Variants in CDK15 observed in about 807,000 individuals in gnomAD.
CDK15 encodes cyclin-dependent kinase 15.
Under a neutral mutation model 60.3 loss-of-function variants are expected in CDK15, and 62 were observed. That is an observed-to-expected ratio of 1.03 (90% confidence interval 0.84 to 1.27). CDK15 has a LOEUF of 1.27. CDK15 is among the 50% of genes most tolerant of loss of function. CDK15 has a pLI of 0.00. For synonymous variants in CDK15, 194 were observed against 195.7 expected, an observed-to-expected ratio of 0.99 and a Z score of 0.07; for missense variants, 541 against 527.8, an observed-to-expected ratio of 1.03 and a Z score of -0.25.
chr2:201,885,709 A>G (rs1699429675), intron 12 of CDK15, among the ~76,000 whole-genome samples: 1 of 152,218 alleles, frequency 6.6e-6, no homozygotes, highest in African/African-American at 2.4e-5. Flanking sequence ...AAGTAAAGAT[A>G]AATAATTCAG....
Position 201,880,185 on chromosome 2 carries a change from T to TGC in CDK15, c.1198+20_1198+21dup. The TGC allele has an allele frequency of 6.2e-7, 1 of 1,613,448 alleles. No individual in the cohort carries two copies. Among genetic ancestry groups the TGC allele is most frequent in the Non-Finnish European group, 8.5e-7 (1 of 1,179,716 alleles). On this transcript the variant is annotated intron_variant, in intron 12 of 13. Coordinates refer to ENST00000652192, the MANE Select transcript of CDK15 (RefSeq NM_001366386.2). ...TCCTGATGGTGAGCGAGGGAGTGTGTGCGTGTGCGTGAGTGCATGTGCGTG... is the reference window on the plus strand; with the variant it reads ...TCCTGATGGTGAGCGAGGGAGTGTGTGCGCGTGTGCGTGAGTGCATGTGCGTG...
At chr2:201,858,175 T>C (rs1373150626) in intron 10 of CDK15, among the ~76,000 whole-genome samples, 2 of 152,160 alleles carry the variant, frequency 1.3e-5, no homozygotes, top group Non-Finnish European at 2.9e-5. Flanking sequence ...TTTTAAAAAG[T>C]CACCTGATGC....
intron 8 of CDK15, among the ~76,000 whole-genome samples, chr2:201,838,950 G>T (rs192103637): frequency 6.6e-6 from 1 of 150,722 alleles, no homozygotes; most frequent in Non-Finnish European, 1.5e-5. Context: ...TTTAAGGGTT[G>T]TTTTTTTTTG....
chr2:201,834,049 C>A (rs1696898836), intron 7 of CDK15, 78 bp downstream of exon 7: 3 of 1,496,884 alleles, frequency 2.0e-6, no homozygotes, highest in South Asian at 1.4e-5. Flanking sequence ...GTTGACTGGG[C>A]CTGGCCTTTG....
At chr2:201,861,553 T>G (rs1698393683) in intron 10 of CDK15, 3 of 893,126 alleles carry the variant, frequency 3.4e-6, no homozygotes, top group African/African-American at 2.6e-5. Flanking sequence ...GTTGGTTTGT[T>G]TTTTTTTTTT....
chr2:201,820,904 A>C (rs555568049), intron 4 of CDK15, among the ~76,000 whole-genome samples: 208 of 152,326 alleles, frequency 1.4e-3, no homozygotes, highest in Non-Finnish European at 1.7e-3. Flanking sequence ...TCATTACAGC[A>C]AATAAGGTTA....
chr2:201,860,662 C>A, intron 10 of CDK15: 1 of 1,334,452 alleles, frequency 7.5e-7, no homozygotes, highest in South Asian at 1.2e-5. Flanking sequence ...GGACCAGAAT[C>A]AGATGTACCA....
intron 3 of CDK15, among the ~76,000 whole-genome samples, chr2:201,810,688 G>C (rs1263145787): frequency 6.6e-6 from 1 of 152,030 alleles, no homozygotes; most frequent in African/African-American, 2.4e-5. Flanking sequence ...CTTAAGTGTG[G>C]GTCATTCATA....
chr2:201,880,876 GA>G (rs5837793), intron 12 of CDK15, among the ~76,000 whole-genome samples: 150,024 of 152,146 alleles, frequency 0.99, 73,984 homozygotes, highest in East Asian at 1. Flanking sequence ...AGGTTTCTTT[GA>G]AAAAAAATCC....
chr2:201,811,135 G>A (rs1695743134), intron 3 of CDK15, among the ~76,000 whole-genome samples: 1 of 142,696 alleles, frequency 7.0e-6, no homozygotes, highest in East Asian at 2.1e-4. Context: ...GAGCCACTGC[G>A]CCTGGCTGAG....
chr2:201,845,456 A>T (rs1377334212), intron 8 of CDK15, among the ~76,000 whole-genome samples: 4 of 152,110 alleles, frequency 2.6e-5, no homozygotes, highest in African/African-American at 7.2e-5. Context: ...AAGTAATCTA[A>T]ACAGTGTTTG....
chr2:201,839,414 T>C (rs4675231), intron 8 of CDK15, among the ~76,000 whole-genome samples: 93,945 of 151,986 alleles, frequency 0.62, 29,566 homozygotes, highest in Admixed American at 0.71. Flanking sequence ...CTAAATGTAA[T>C]GCATGGTCCT....
intron 12 of CDK15, chr2:201,888,416 C>T: frequency 6.5e-7 from 1 of 1,528,880 alleles, no homozygotes. Context: ...TTTCCCTTCT[C>T]AAAAAATTTT....
At chr2:201,869,146 T>C (rs1475585741) in intron 10 of CDK15, among the ~76,000 whole-genome samples, 2 of 152,164 alleles carry the variant, frequency 1.3e-5, no homozygotes. Context: ...CCATCAATGA[T>C]AGACTGGATT....
chr2:201,876,511 A>G, intron 11 of CDK15: 1 of 1,155,462 alleles, frequency 8.7e-7, no homozygotes, highest in Non-Finnish European at 1.2e-6. Flanking sequence ...ACCGACACAC[A>G]CTTGGCTCCT....
intron 6 of CDK15, among the ~76,000 whole-genome samples, chr2:201,826,951 G>C (rs1419677916): frequency 6.6e-6 from 1 of 152,226 alleles, no homozygotes; most frequent in Non-Finnish European, 1.5e-5. Context: ...CAAGATCTGA[G>C]AGGACAAACA....
chr2:201,842,627 A>AT (rs1177398577), intron 8 of CDK15, among the ~76,000 whole-genome samples: 6 of 152,158 alleles, frequency 3.9e-5, no homozygotes, highest in South Asian at 2.1e-4. Flanking sequence ...CCCGAGATGG[A>AT]TTTTTTTTCT....
chr2:201,875,108 T>A (rs1315867187), intron 11 of CDK15, among the ~76,000 whole-genome samples: 1 of 152,332 alleles, frequency 6.6e-6, no homozygotes, highest in South Asian at 2.1e-4. Flanking sequence ...TTTTACGCAG[T>A]CACAAAACTC....
At chr2:201,837,362 A>AGGGAGAGG (rs1214958934) in intron 8 of CDK15, among the ~76,000 whole-genome samples, 1 of 118,726 alleles carries the variant, frequency 8.4e-6, no homozygotes, top group African/African-American at 3.1e-5. Flanking sequence ...AGGGGGAGAA[A>AGGGAGAGG]GGGAGAGGGG....
Sources: allele counts gnomAD v4.1 joint callset (sites outside exome capture counted in the v4.1 genomes callset), GRCh38; gene constraint gnomAD v4.1.1; transcripts MANE v1.5; gene names NCBI Gene and HGNC (gene_info 2026-07-23, HGNC 2026-07-21).